The following PPFIA2 variants were observed in gnomAD, a reference collection of about 807,000 sequenced individuals.
The protein encoded by PPFIA2 is liprin-alpha-2.
A neutral mutation model predicts 175.5 loss-of-function variants in PPFIA2; 46 were observed. The ratio of observed to expected loss-of-function variants is 0.26; its 90% CI spans 0.21 to 0.34. The LOEUF (loss-of-function observed/expected upper bound fraction) is 0.34, where lower values mean the gene tolerates loss of function less well. PPFIA2 is among the 10% of genes least tolerant of loss of function. PPFIA2 has a pLI of 1.00. For synonymous variants in PPFIA2, 568 were observed against 511.4 expected, an observed-to-expected ratio of 1.11 and a Z score of -1.49; for missense variants, 1,179 against 1,506.1, an observed-to-expected ratio of 0.78 and a Z score of 3.60.
chr12:81,266,557 T>A (rs1388711752), intron 30 of PPFIA2, among the ~76,000 whole-genome samples: 1 of 152,190 alleles, frequency 6.6e-6, no homozygotes, highest in Non-Finnish European at 1.5e-5. Context: ...TCATTTTAAT[T>A]TTCTAAAATT....
At chr12:81,563,235 C>A (rs2070567023) in intron 4 of PPFIA2, among the ~76,000 whole-genome samples, 1 of 152,118 alleles carries the variant, frequency 6.6e-6, no homozygotes, top group African/African-American at 2.4e-5. Flanking sequence ...TAGTCTGGGT[C>A]CCCCTTTCTT....
intron 5 of PPFIA2, among the ~76,000 whole-genome samples, chr12:81,455,756 T>C (rs1019233983): frequency 6.6e-6 from 1 of 152,232 alleles, no homozygotes; most frequent in Non-Finnish European, 1.5e-5. Context: ...AGTAAGTCTT[T>C]GAGTAATAAT....
chr12:81,373,072 A>T (rs1373690539), intron 11 of PPFIA2, among the ~76,000 whole-genome samples: 1 of 151,796 alleles, frequency 6.6e-6, no homozygotes, highest in South Asian at 2.1e-4. Context: ...TTTTATGTCA[A>T]ATATTATATT....
In PPFIA2 at chr12:81,367,259, C is replaced by A; in HGVS notation, c.1483-89G>T. 4.6e-6 allele frequency: 4 copies of A among 862,910 alleles called. No homozygotes were observed. The South Asian group carries it at 1.7e-4, about 37-fold the overall frequency. 53.5% of individuals were successfully genotyped at this position (862,910 alleles called of 1,614,324 possible). A position where few individuals can be genotyped will look rare whatever the true frequency, so the allele number is the denominator to read the frequency against. ...GATTAATATCTTATCACTCAAGAATCCTCTTAGATTCCTTCCTTAGTTCAG... is the reference window on the plus strand; with the variant it reads ...GATTAATATCTTATCACTCAAGAATACTCTTAGATTCCTTCCTTAGTTCAG... On this transcript the variant is annotated intron_variant, in intron 13 of 32. Coordinates refer to ENST00000549396, the MANE Select transcript of PPFIA2 (RefSeq NM_003625.5).
chr12:81,277,568 A>G (rs2136749160), intron 27 of PPFIA2, 154 bp from the exon 28 acceptor site: 1 of 815,550 alleles, frequency 1.2e-6, no homozygotes, highest in Admixed American at 4.1e-5. Flanking sequence ...TATTGGAGGG[A>G]AATACATTTA....
At chr12:81,428,517 A>T (rs2047543460) in intron 7 of PPFIA2, among the ~76,000 whole-genome samples, 1 of 151,960 alleles carries the variant, frequency 6.6e-6, no homozygotes, top group Non-Finnish European at 1.5e-5. Context: ...TACAATCATC[A>T]ACAGCAAAAG....
intron 4 of PPFIA2, among the ~76,000 whole-genome samples, chr12:81,510,022 T>A (rs2061602304): frequency 6.6e-6 from 1 of 152,184 alleles, no homozygotes; most frequent in South Asian, 2.1e-4. Context: ...TTTCCTATGC[T>A]TCACGTTTTG....
intron 4 of PPFIA2, among the ~76,000 whole-genome samples, chr12:81,466,012 G>A (rs1317546687): frequency 6.6e-6 from 1 of 152,088 alleles, no homozygotes; most frequent in East Asian, 1.9e-4. Flanking sequence ...TGAGCCCAGG[G>A]AATGCTGTCA....
intron 4 of PPFIA2, among the ~76,000 whole-genome samples, chr12:81,556,439 C>T (rs546412022): frequency 1.3e-5 from 2 of 151,770 alleles, no homozygotes; most frequent in African/African-American, 4.8e-5. Context: ...ATGTCTTACC[C>T]TTTTTTCATG....
chr12:81,718,624 A>G (rs1369087158), intron 3 of PPFIA2, among the ~76,000 whole-genome samples: 1 of 151,718 alleles, frequency 6.6e-6, no homozygotes, highest in Non-Finnish European at 1.5e-5. Context: ...TACAGTGGAA[A>G]ATCTCTTTGA....
At chr12:81,522,838 C>A (rs544363441) in intron 4 of PPFIA2, among the ~76,000 whole-genome samples, 1 of 152,238 alleles carries the variant, frequency 6.6e-6, no homozygotes, top group African/African-American at 2.4e-5. Context: ...CTCACAGAGA[C>A]AATATTGTGT....
chr12:81,702,159 C>A (rs2076566290), intron 3 of PPFIA2, among the ~76,000 whole-genome samples: 1 of 151,252 alleles, frequency 6.6e-6, no homozygotes, highest in Admixed American at 6.6e-5. Context: ...CTGAGACCTA[C>A]CCCCACCATC....
At position 81,362,005 on chromosome 12, in the gene PPFIA2, GTATCTATCTATCTATC is replaced by G. The variant is rs5799523; in HGVS notation, c.1637+672_1637+687del. On this transcript the variant is annotated intron_variant, in intron 15 of 32. Transcript: ENST00000549396. ...TCTATGTATCTATCTATGTATCTAT[GTATCTATCTATCTATC>G]TATCTATCTATCTATCTATCTATCT... is the stretch of plus-strand genomic sequence containing the variant. Among the ~76,000 whole-genome samples, 1,028 of 147,582 alleles carry G rather than the reference GTATCTATCTATCTATC, an allele frequency of 7.0e-3. 12 individuals carry two copies. The highest frequency in any genetic ancestry group is 0.022 in the African/African-American group (889 of 40,406).
chr12:81,559,328 G>A (rs142729501), intron 4 of PPFIA2, among the ~76,000 whole-genome samples: 3 of 152,298 alleles, frequency 2.0e-5, no homozygotes, highest in Middle Eastern at 3.4e-3. Flanking sequence ...GCATGTGTGT[G>A]TGTGCACATA....
intron 22 of PPFIA2, among the ~76,000 whole-genome samples, chr12:81,311,732 C>CA (rs1050904857): frequency 0.064 from 3,054 of 47,808 alleles, 76 homozygotes; most frequent in Admixed American, 0.13. Context: ...GACTCTGTCT[C>CA]AAAAAAAAAA....
chr12:81,691,002 C>G (rs1459341613), intron 3 of PPFIA2, among the ~76,000 whole-genome samples: 4 of 152,104 alleles, frequency 2.6e-5, no homozygotes, highest in African/African-American at 9.7e-5. Context: ...AATTCTCTCT[C>G]CATCTCAAGA....
chr12:81,311,973 A>G (rs903785869), intron 22 of PPFIA2: 2 of 589,268 alleles, frequency 3.4e-6, no homozygotes, highest in African/African-American at 3.7e-5. Context: ...ATTAATTAAA[A>G]TGTGAACATT....
In PPFIA2 at chr12:81,344,690, T is replaced by C. The variant is rs576295777; in HGVS notation, c.2236A>G (p.Ser746Gly). The change falls in exon 19 of 33, where the codon AGT (serine) becomes GGT (glycine). Residue 746 changes from serine to glycine, a missense_variant. Around this residue, in one of 10 missense-constraint regions of PPFIA2, gnomAD observed 223 missense variants for 241.6 expected, o/e 0.92. Coordinates refer to ENST00000549396, the MANE Select transcript of PPFIA2 (RefSeq NM_003625.5). ...TTTCTCCGATGTTTCCTCAGATCAC[T>C]TGGCTGTGATTGGCAGTAATAAAAA... ...MDRMGVMTLP[S>G]DLRKHRRKIA... The C allele has an allele frequency of 6.4e-7, 1 of 1,551,016 alleles. No individual in the cohort carries two copies. Among genetic ancestry groups the C allele is most frequent in the African/African-American group, 1.4e-5 (1 of 73,746 alleles).
Position 81,740,596 on chromosome 12 carries a change from T to A in PPFIA2, c.249+13377A>T, listed in dbSNP as rs367953550. Among the ~76,000 whole-genome samples, 124 of 152,302 alleles carry A rather than the reference T, an allele frequency of 8.1e-4. 1 individual carries two copies. The highest frequency in any genetic ancestry group is 2.9e-3 in the African/African-American group (119 of 41,582). On this transcript the variant is annotated intron_variant, in intron 3 of 32. Transcript: ENST00000549396. ...CAAGCTGTAAAGCTCTGAAGTGAAC[T>A]ATTCAGGAAAAGTAAATAGTGTGAA...
Sources: allele counts gnomAD v4.1 joint callset (sites outside exome capture counted in the v4.1 genomes callset), GRCh38; gene constraint gnomAD v4.1.1; regional missense constraint gnomAD v4.1.1; transcripts MANE v1.5; gene names NCBI Gene and HGNC (gene_info 2026-07-23, HGNC 2026-07-21).